The following MAGI1 variants were observed in gnomAD, a reference collection of about 807,000 sequenced individuals.
The protein encoded by MAGI1 is membrane associated guanylate kinase, WW and PDZ domain containing 1, also known as membrane-associated guanylate kinase, WW and PDZ domain-containing protein 1.
In MAGI1, 58 loss-of-function variants were observed where a neutral mutation model predicts 139.9. The observed-to-expected ratio is 0.41, with a 90% CI of 0.34 to 0.52. The LOEUF (loss-of-function observed/expected upper bound fraction) is 0.52, where lower values mean the gene tolerates loss of function less well. Among genes scored for constraint, MAGI1 ranks in the 20% least tolerant of loss-of-function variants. The pLI is 0.12. For missense variants in MAGI1, 1,874 were observed against 1,901.6 expected, an observed-to-expected ratio of 0.99 and a Z score of 0.27; for synonymous variants, 812 against 737.9, an observed-to-expected ratio of 1.10 and a Z score of -1.63.
At chr3:65,588,028 C>T (rs1487291734) in intron 2 of MAGI1, among the ~76,000 whole-genome samples, 5 of 152,132 alleles carry the variant, frequency 3.3e-5, no homozygotes, top group Non-Finnish European at 4.4e-5. Context: ...GCCTATTCTC[C>T]GGCTTTCCTT....
At chr3:65,667,330 G>A (rs1346822837) in intron 1 of MAGI1, among the ~76,000 whole-genome samples, 1 of 152,080 alleles carries the variant, frequency 6.6e-6, no homozygotes, top group Non-Finnish European at 1.5e-5. Context: ...ATATAATACA[G>A]AACACAGTTT....
intron 2 of MAGI1, among the ~76,000 whole-genome samples, chr3:65,521,310 A>G (rs1191606005): frequency 2.0e-5 from 3 of 152,106 alleles, no homozygotes; most frequent in Non-Finnish European, 4.4e-5. Flanking sequence ...CCTCACAGCT[A>G]TAACAAAACA....
chr3:65,869,211 G>A (rs542721519), intron 1 of MAGI1, among the ~76,000 whole-genome samples: 92 of 145,596 alleles, frequency 6.3e-4, no homozygotes, highest in Admixed American at 3.5e-3. Context: ...AGCCGAGATC[G>A]CGCCACTGCA....
At chr3:65,694,039 G>A (rs1370270889) in intron 1 of MAGI1, among the ~76,000 whole-genome samples, 1 of 151,924 alleles carries the variant, frequency 6.6e-6, no homozygotes, top group Non-Finnish European at 1.5e-5. Flanking sequence ...TTTCTTAACG[G>A]AGGACCAAAA....
chr3:65,902,579 G>A (rs2061277145), intron 1 of MAGI1: 1 of 152,690 alleles, frequency 6.5e-6, no homozygotes, highest in African/African-American at 2.4e-5. Context: ...TGAAAAGACA[G>A]AGCTTGAGCT....
At chr3:65,910,389 G>T (rs2061606154) in intron 1 of MAGI1, among the ~76,000 whole-genome samples, 1 of 152,150 alleles carries the variant, frequency 6.6e-6, no homozygotes, top group African/African-American at 2.4e-5. Context: ...CTGTACTGTT[G>T]AAAATACACA....
chr3:66,035,119 C>G (rs888836862), intron 1 of MAGI1, among the ~76,000 whole-genome samples: 5 of 152,082 alleles, frequency 3.3e-5, no homozygotes, highest in African/African-American at 1.2e-4. Context: ...ACTGTCTTCC[C>G]CACTTAAAAT....
intron 1 of MAGI1, among the ~76,000 whole-genome samples, chr3:65,913,727 TC>T (rs780714713): frequency 7.2e-5 from 11 of 152,160 alleles, no homozygotes; most frequent in Non-Finnish European, 1.3e-4. Flanking sequence ...AGGCAGGTGT[TC>T]CACAGAAAAC....
chr3:65,360,862 C>G, intron 22 of MAGI1: 1 of 1,176,274 alleles, frequency 8.5e-7, no homozygotes, highest in Non-Finnish European at 1.1e-6. Flanking sequence ...AGTATATAGT[C>G]ATTTTGTGCT....
At chr3:65,613,213 A>C (rs1559721088) in intron 2 of MAGI1, among the ~76,000 whole-genome samples, 1 of 152,072 alleles carries the variant, frequency 6.6e-6, no homozygotes. Context: ...CAAATGCTGC[A>C]CTCATACTAC....
chr3:65,574,285 G>A (rs746573352), intron 2 of MAGI1, among the ~76,000 whole-genome samples: 4 of 150,082 alleles, frequency 2.7e-5, no homozygotes, highest in Non-Finnish European at 5.9e-5. Flanking sequence ...TGCCATGGGG[G>A]TTTTCTGTAC....
At chr3:65,480,247 T>A (rs1951186512) in intron 3 of MAGI1, among the ~76,000 whole-genome samples, 1 of 151,706 alleles carries the variant, frequency 6.6e-6, no homozygotes, top group Non-Finnish European at 1.5e-5. Context: ...AGAATTTGCT[T>A]CTCAGCAGGG....
intron 12 of MAGI1, among the ~76,000 whole-genome samples, chr3:65,419,659 C>T (rs1946501261): frequency 6.6e-6 from 1 of 152,154 alleles, no homozygotes; most frequent in African/African-American, 2.4e-5. Flanking sequence ...TCAAGTCCTA[C>T]CTGTTTCTAC....
chr3:65,991,683 T>C (rs1193721875), intron 1 of MAGI1, among the ~76,000 whole-genome samples: 2 of 152,148 alleles, frequency 1.3e-5, no homozygotes, highest in Non-Finnish European at 2.9e-5. Context: ...CTTTCTTGCT[T>C]AGACTCTTCC....
intron 2 of MAGI1, among the ~76,000 whole-genome samples, chr3:65,533,814 T>C (rs1054084281): frequency 6.6e-6 from 1 of 152,164 alleles, no homozygotes; most frequent in African/African-American, 2.4e-5. Flanking sequence ...GCTTTAAAAA[T>C]TCAACCTGCA....
chr3:65,707,110 T>C (rs922338882), intron 1 of MAGI1, among the ~76,000 whole-genome samples: 2 of 152,232 alleles, frequency 1.3e-5, no homozygotes, highest in African/African-American at 2.4e-5. Context: ...GTAGTTACTG[T>C]AGATGTTGTA....
intron 1 of MAGI1, among the ~76,000 whole-genome samples, chr3:65,652,210 T>C (rs563779288): frequency 1.3e-5 from 2 of 152,334 alleles, no homozygotes; most frequent in South Asian, 4.1e-4. Context: ...AATTCAACAC[T>C]GTAAAAATTT....
At chr3:65,475,815 T>C (rs1343478639) in intron 4 of MAGI1, among the ~76,000 whole-genome samples, 1 of 151,964 alleles carries the variant, frequency 6.6e-6, no homozygotes. Context: ...TTCTGGCCAA[T>C]AGGCTCCTTG....
chr3:65,375,980 T>C, intron 17 of MAGI1, 35 bp from the exon 18 acceptor site: 1 of 1,513,068 alleles, frequency 6.6e-7, no homozygotes, highest in Non-Finnish European at 9.2e-7. Context: ...TTTTTAAAGT[T>C]ACGTGGGAAT....
Sources: allele counts gnomAD v4.1 joint callset (sites outside exome capture counted in the v4.1 genomes callset), GRCh38; gene constraint gnomAD v4.1.1; transcripts MANE v1.5; gene names NCBI Gene and HGNC (gene_info 2026-07-23, HGNC 2026-07-21).